Variants in ST6GALNAC5 observed in about 807,000 individuals in gnomAD.
ST6GALNAC5 encodes ST6 N-acetylgalactosaminide alpha-2,6-sialyltransferase 5, also known as alpha-N-acetylgalactosaminide alpha-2,6-sialyltransferase 5.
A neutral mutation model predicts 33.6 loss-of-function variants in ST6GALNAC5; 27 were observed. The ratio of observed to expected loss-of-function variants is 0.80; its 90% CI spans 0.59 to 1.11. The LOEUF (loss-of-function observed/expected upper bound fraction) is 1.11. Among genes scored for constraint, ST6GALNAC5 ranks in the 50% least tolerant of loss-of-function variants. The pLI is 0.00. For synonymous variants in ST6GALNAC5, 194 were observed against 171.2 expected, an observed-to-expected ratio of 1.13 and a Z score of -1.04; for missense variants, 428 against 454.0, an observed-to-expected ratio of 0.94 and a Z score of 0.52.
intron 4 of ST6GALNAC5, among the ~76,000 whole-genome samples, chr1:77,052,130 CA>C (rs1473383265): frequency 6.6e-6 from 1 of 152,192 alleles, no homozygotes; most frequent in African/African-American, 2.4e-5. Flanking sequence ...CTATCATCCC[CA>C]AAGCTTTGAT....
At chr1:77,009,883 C>T (rs1362724813) in intron 2 of ST6GALNAC5, among the ~76,000 whole-genome samples, 2 of 152,074 alleles carry the variant, frequency 1.3e-5, no homozygotes, top group Non-Finnish European at 2.9e-5. Flanking sequence ...GACCTTGATC[C>T]TTTCCCATTT....
chr1:76,992,373 T>G (rs542397263), intron 2 of ST6GALNAC5, among the ~76,000 whole-genome samples: 1 of 152,236 alleles, frequency 6.6e-6, no homozygotes, highest in African/African-American at 2.4e-5. Context: ...TCTCAGTGTC[T>G]TCCTCCTATA....
chr1:76,955,828 C>A (rs2100343187), intron 2 of ST6GALNAC5, among the ~76,000 whole-genome samples: 1 of 152,262 alleles, frequency 6.6e-6, no homozygotes, highest in Non-Finnish European at 1.5e-5. Flanking sequence ...TATTGAGCAA[C>A]CAGTGCAGCA....
chr1:76,867,694 A>T lies in ST6GALNAC5; in HGVS notation c.15+4A>T, dbSNP rs757664002. 6.2e-7 allele frequency: 1 copy of T among 1,614,046 alleles called. No homozygotes were observed. The highest frequency in any genetic ancestry group is 2.2e-5 in the East Asian group (1 of 44,862). On this transcript the variant is annotated splice_donor_region_variant and intron_variant, in intron 1 of 4. Coordinates refer to ENST00000477717, the MANE Select transcript of ST6GALNAC5 (RefSeq NM_030965.3). ...GCCCAAAATGAAGACCCTGATGGTG[A>T]GTCAGTTGTGGCAACTCCACCGGGC...
chr1:76,901,459 A>T (rs1308315230), intron 2 of ST6GALNAC5, among the ~76,000 whole-genome samples: 1 of 152,192 alleles, frequency 6.6e-6, no homozygotes, highest in Non-Finnish European at 1.5e-5. Flanking sequence ...GGCTGTGGTG[A>T]TATATGTTCT....
intron 2 of ST6GALNAC5, among the ~76,000 whole-genome samples, chr1:76,932,679 C>T (rs1647156774): frequency 6.6e-6 from 1 of 152,102 alleles, no homozygotes; most frequent in African/African-American, 2.4e-5. Context: ...GAAACCTGAA[C>T]TGGGGAAATA....
chr1:77,003,594 C>G (rs952177081), intron 2 of ST6GALNAC5, among the ~76,000 whole-genome samples: 1 of 151,770 alleles, frequency 6.6e-6, no homozygotes, highest in African/African-American at 2.4e-5. Context: ...TCTCGATGGT[C>G]TTTACATTTT....
intron 2 of ST6GALNAC5, among the ~76,000 whole-genome samples, chr1:77,024,244 T>C (rs561880564): frequency 6.6e-6 from 1 of 152,322 alleles, no homozygotes; most frequent in Admixed American, 6.5e-5. Context: ...ATTTGTGCAA[T>C]TCTTTGGTTA....
intron 2 of ST6GALNAC5, among the ~76,000 whole-genome samples, chr1:77,029,316 A>G (rs1049865121): frequency 1.3e-5 from 2 of 152,212 alleles, no homozygotes; most frequent in African/African-American, 4.8e-5. Flanking sequence ...CTCAAAAATG[A>G]CAGCTTTTGT....
intron 2 of ST6GALNAC5, among the ~76,000 whole-genome samples, chr1:76,870,671 A>G (rs1653483267): frequency 6.6e-6 from 1 of 152,220 alleles, no homozygotes; most frequent in South Asian, 2.1e-4. Context: ...GGAAATTGAA[A>G]TGATATGTAG....
intron 2 of ST6GALNAC5, among the ~76,000 whole-genome samples, chr1:76,979,342 A>C (rs189169721): frequency 1.1e-4 from 17 of 152,320 alleles, no homozygotes; most frequent in Admixed American, 8.5e-4. Flanking sequence ...ATAAATAAAT[A>C]AAGCAACAGG....
intron 2 of ST6GALNAC5, among the ~76,000 whole-genome samples, chr1:76,887,095 C>G (rs1653914145): frequency 6.6e-6 from 1 of 152,188 alleles, no homozygotes; most frequent in African/African-American, 2.4e-5. Context: ...GTCTCCAACT[C>G]TCATATCCAT....
At chr1:76,875,350 A>G (rs1653613644) in intron 2 of ST6GALNAC5, among the ~76,000 whole-genome samples, 1 of 152,156 alleles carries the variant, frequency 6.6e-6, no homozygotes, top group African/African-American at 2.4e-5. Context: ...CTTTAATCAC[A>G]GGGCATGGTA....
At position 76,914,987 on chromosome 1, in the gene ST6GALNAC5, A is replaced by G. The variant is rs1484315681; in HGVS notation, c.261+46245A>G. Among the ~76,000 whole-genome samples the G allele has an allele frequency of 3.7e-4, 56 of 150,968 alleles. No homozygotes were observed. In the South Asian group the frequency reaches 0.012, roughly 31 times the overall value. On this transcript the variant is annotated intron_variant, in intron 2 of 4. Coordinates refer to ENST00000477717, the MANE Select transcript of ST6GALNAC5 (RefSeq NM_030965.3). ...CAGAATCTACAATGAACTCAAACAA[A>G]TTTACAAGAAAAAAACAAACAACCC...
intron 2 of ST6GALNAC5, among the ~76,000 whole-genome samples, chr1:76,900,492 G>A (rs528062213): frequency 1.3e-5 from 2 of 152,102 alleles, no homozygotes; most frequent in South Asian, 2.1e-4. Context: ...AACATTTAAT[G>A]TTATCCCAGA....
intron 2 of ST6GALNAC5, among the ~76,000 whole-genome samples, chr1:76,869,477 G>T (rs1653447019): frequency 6.6e-6 from 1 of 152,106 alleles, no homozygotes; most frequent in African/African-American, 2.4e-5. Context: ...CAAGTTTGCT[G>T]ATTCTGAAGA....
At chr1:77,053,703 T>A (rs965118426) in intron 4 of ST6GALNAC5, among the ~76,000 whole-genome samples, 28 of 152,196 alleles carry the variant, frequency 1.8e-4, no homozygotes, top group Non-Finnish European at 2.9e-4. Context: ...GATAATTGCA[T>A]GAAGTCATAG....
chr1:76,990,307 C>A (rs1465609339), intron 2 of ST6GALNAC5, among the ~76,000 whole-genome samples: 1 of 152,130 alleles, frequency 6.6e-6, no homozygotes, highest in Non-Finnish European at 1.5e-5. Flanking sequence ...ATCTTCATGG[C>A]AACTACAGGC....
chr1:77,032,135 G>T (rs947592868), intron 2 of ST6GALNAC5, among the ~76,000 whole-genome samples: 1 of 152,140 alleles, frequency 6.6e-6, no homozygotes, highest in African/African-American at 2.4e-5. Context: ...GAGGAGACTT[G>T]GGTTCCAGGG....
Sources: gnomAD v4.1 joint callset for allele counts (sites outside exome capture counted in the v4.1 genomes callset) on GRCh38, gnomAD v4.1.1 for gene constraint, MANE v1.5 for transcripts, NCBI Gene and HGNC (gene_info 2026-07-23, HGNC 2026-07-21) for gene names.